CYLC2: variants seen among roughly 807,000 people sequenced by gnomAD.
The protein encoded by CYLC2 is cylicin-2.
In CYLC2, 30 loss-of-function variants were observed where a neutral mutation model predicts 26.1. The ratio of observed to expected loss-of-function variants is 1.15; its 90% CI spans 0.86 to 1.56. CYLC2 has a LOEUF of 1.56. CYLC2 is among the 40% of genes most tolerant of loss of function. The probability of loss-of-function intolerance (pLI) is 0.00; values close to 1 mark genes in which losing one functional copy is unlikely to be tolerated. For missense variants in CYLC2, 498 were observed against 394.4 expected (o/e 1.26, Z -2.23); for synonymous variants, 158 against 132.8 (o/e 1.19, Z -1.31).
intron 6 of CYLC2, among the ~76,000 whole-genome samples, chr9:103,013,333 A>ATATATTATATAAT (rs1231023907): frequency 0.03 from 536 of 17,798 alleles, 30 homozygotes; most frequent in African/African-American, 0.072. Context: ...ATATATATTT[A>ATATATTATATAAT]ATATATTATA....
chr9:103,015,968 G>A lies in CYLC2; in HGVS notation c.*817-920G>A, dbSNP rs1829500671. 2.0e-5 allele frequency among the ~76,000 whole-genome samples: 3 copies of A among 149,964 alleles called. No homozygotes were observed. The South Asian group carries it at 6.3e-4, about 31-fold the overall frequency. On this transcript the variant is annotated intron_variant, in intron 6 of 7. Transcript: ENST00000374798. ...ATATCTAATTGTATATATATAATAT[G>A]TAAGTATATATACATACATATGTAT...
intron 5 of CYLC2, among the ~76,000 whole-genome samples, chr9:103,011,153 T>C (rs980166728): frequency 6.6e-6 from 1 of 152,116 alleles, no homozygotes; most frequent in Non-Finnish European, 1.5e-5. Context: ...AGTACATACA[T>C]GCATATACGC....
intron 6 of CYLC2, among the ~76,000 whole-genome samples, chr9:103,016,474 T>C (rs1829507742): frequency 6.6e-6 from 1 of 152,084 alleles, no homozygotes. Flanking sequence ...AGTTGTCACA[T>C]GCATATGTGT....
intron 1 of CYLC2, among the ~76,000 whole-genome samples, chr9:102,995,755 G>C (rs1160372843): frequency 6.6e-6 from 1 of 151,600 alleles, no homozygotes; most frequent in Non-Finnish European, 1.5e-5. Flanking sequence ...AATATTTTTT[G>C]TGTATGTAAT....
chr9:103,007,596 T>C (rs1348802394), intron 5 of CYLC2, among the ~76,000 whole-genome samples: 1 of 152,150 alleles, frequency 6.6e-6, no homozygotes, highest in Admixed American at 6.5e-5. Context: ...GTCCTGTTGA[T>C]TTGAGGAAAA....
At chr9:102,997,381 C>T (rs567999319) in intron 1 of CYLC2, among the ~76,000 whole-genome samples, 2 of 151,748 alleles carry the variant, frequency 1.3e-5, no homozygotes, top group East Asian at 1.9e-4. Flanking sequence ...GTGAGGAGTT[C>T]GAAATAAATC....
chr9:103,016,288 GC>G, intron 6 of CYLC2, among the ~76,000 whole-genome samples: 1 of 151,994 alleles, frequency 6.6e-6, no homozygotes, highest in South Asian at 2.1e-4. Flanking sequence ...AAACAGAGTG[GC>G]CTAAATAAGA....
At chr9:103,009,346 C>A (rs538515488) in intron 5 of CYLC2, among the ~76,000 whole-genome samples, 1 of 152,144 alleles carries the variant, frequency 6.6e-6, no homozygotes, top group African/African-American at 2.4e-5. Flanking sequence ...GCTGGGACTA[C>A]AAGAGCTCTT....
At position 103,013,345 on chromosome 9, in the gene CYLC2, A is replaced by AATATATATTTAATGTATTATAT. The variant is rs1564100471; in HGVS notation, c.*816+1249_*816+1250insTATATATTTAATGTATTATATA. 3.1e-3 allele frequency among the ~76,000 whole-genome samples: 52 copies of AATATATATTTAATGTATTATAT among 16,630 alleles called. 3 individuals carry two copies. Among genetic ancestry groups the AATATATATTTAATGTATTATAT allele is most frequent in the Non-Finnish European group, 8.5e-4 (7 of 8,248 alleles). The allele number at this position is 16,630 out of a possible 152,430, so 10.9% of individuals were successfully genotyped here. On this transcript the variant is annotated intron_variant, in intron 6 of 7. Transcript: ENST00000374798. ...CCTATATATATTTAATATATTATATAAATATATATTATATAAATATATATT... is the reference window on the plus strand; with the variant it reads ...CCTATATATATTTAATATATTATATAATATATATTTAATGTATTATATAATATATATTATATAAATATATATT...
chr9:103,014,047 A>C (rs1399389798), intron 6 of CYLC2, among the ~76,000 whole-genome samples: 1 of 118,052 alleles, frequency 8.5e-6, no homozygotes, highest in Non-Finnish European at 1.6e-5. Flanking sequence ...TACATACTTT[A>C]TATATCTATT....
intron 5 of CYLC2, among the ~76,000 whole-genome samples, chr9:103,011,422 AC>A (rs1375771253): frequency 2.0e-5 from 3 of 152,126 alleles, no homozygotes; most frequent in Admixed American, 6.5e-5. Context: ...TAAGTAACTT[AC>A]TGAATTTTGG....
intron 1 of CYLC2, among the ~76,000 whole-genome samples, chr9:102,997,219 G>C (rs954757242): frequency 4.0e-5 from 6 of 151,768 alleles, no homozygotes; most frequent in Non-Finnish European, 8.8e-5. Flanking sequence ...GGGTAGGGGA[G>C]ATCCAGCATT....
At chr9:103,014,386 T>G (rs531403645) in intron 6 of CYLC2, among the ~76,000 whole-genome samples, 1 of 128,336 alleles carries the variant, frequency 7.8e-6, no homozygotes, top group Non-Finnish European at 1.6e-5. Flanking sequence ...GTATATTACG[T>G]AATATAACAT....
Position 103,004,793 on chromosome 9 carries a change from T to C in CYLC2, c.279T>C (p.Ala93=). ...RISERPSVYL[A]ARRQPLKPTR... ...CTGAGAGACCATCTGTTTATTTAGC[T>C]GCCAGGAGGCAGCCTCTCAAACCAA... Residue 93 remains alanine (A), a synonymous_variant, in exon 4 of 8, where the codon GCT becomes GCC. Coordinates refer to ENST00000374798, the MANE Select transcript of CYLC2 (RefSeq NM_001340.5). The C allele has an allele frequency of 1.9e-6, 3 of 1,613,012 alleles. No individual in the cohort carries two copies. Among genetic ancestry groups the C allele is most frequent in the Middle Eastern group, 1.7e-4 (1 of 6,056 alleles).
At chr9:103,010,233 C>T (rs547801329) in intron 5 of CYLC2, among the ~76,000 whole-genome samples, 58 of 152,106 alleles carry the variant, frequency 3.8e-4, no homozygotes, top group Non-Finnish European at 1.8e-4. Context: ...TACCAAATTA[C>T]TTTATAATCA....
intron 1 of CYLC2, 108 bp downstream of exon 1, chr9:102,995,505 G>A: frequency 1.2e-6 from 1 of 843,108 alleles, no homozygotes; most frequent in East Asian, 2.5e-5. Flanking sequence ...CCATTCATAA[G>A]CAAAAGATAA....
Position 103,005,973 on chromosome 9 carries a change from A to G in CYLC2, c.*295A>G. 3.7e-6 allele frequency: 1 copy of G among 268,868 alleles called. No individual in the cohort carries two copies. The highest frequency in any genetic ancestry group is 6.9e-6 in the Non-Finnish European group (1 of 144,286). The allele number at this position is 268,868 out of a possible 1,614,324, so 16.7% of individuals were successfully genotyped here. On this transcript the variant is annotated 3_prime_UTR_variant, in exon 5 of 8. Coordinates refer to ENST00000374798, the MANE Select transcript of CYLC2 (RefSeq NM_001340.5). ...TGATCTCTAGAAAGATTTAAAGAAGAATATTCAGATAAGGATGTTGAAGAT... is the reference window on the plus strand; with the variant it reads ...TGATCTCTAGAAAGATTTAAAGAAGGATATTCAGATAAGGATGTTGAAGAT...
chr9:103,001,561 C>A lies in CYLC2; in HGVS notation c.18-17C>A. On this transcript the variant is annotated splice_polypyrimidine_tract_variant and intron_variant, in intron 1 of 7. Transcript: ENST00000374798. ...TTTATATAAATTAACTAAAACCTTT[C>A]TTTTTTGTTTTAATAGCCAAAGAGT... 2 of 1,490,278 alleles carry A rather than the reference C, an allele frequency of 1.3e-6. No homozygotes were observed. The highest frequency in any genetic ancestry group is 9.3e-7 in the Non-Finnish European group (1 of 1,077,952). The allele number at this position is 1,490,278 out of a possible 1,614,324, so 92.3% of individuals were successfully genotyped here.
intron 2 of CYLC2, among the ~76,000 whole-genome samples, chr9:103,002,846 G>C (rs923150268): frequency 2.0e-5 from 3 of 152,080 alleles, no homozygotes; most frequent in Admixed American, 1.3e-4. Context: ...ACCTAGACTG[G>C]AAGAGATAGA....
Sources: allele counts gnomAD v4.1 joint callset (sites outside exome capture counted in the v4.1 genomes callset), GRCh38; gene constraint gnomAD v4.1.1; transcripts MANE v1.5; gene names NCBI Gene and HGNC (gene_info 2026-07-23, HGNC 2026-07-21).